CHSY1: variants seen among roughly 807,000 people sequenced by gnomAD.
The protein encoded by CHSY1 is chondroitin sulfate synthase 1.
CHSY1 carries 13 observed loss-of-function variants against 59.8 expected under a neutral mutation model. The observed-to-expected ratio is 0.22, with a 90% confidence interval of 0.14 to 0.35. CHSY1 has a LOEUF of 0.35. CHSY1 is among the 10% of genes least tolerant of loss of function. CHSY1 has a pLI of 1.00. For missense variants in CHSY1, 947 were observed against 1,030.6 expected (o/e 0.92, Z 1.11); for synonymous variants, 459 against 401.2 (o/e 1.14, Z -1.72).
At chr15:101,189,943 C>T (rs2038423659) in intron 2 of CHSY1, among the ~76,000 whole-genome samples, 1 of 152,230 alleles carries the variant, frequency 6.6e-6, no homozygotes. Flanking sequence ...AGAGCAACTG[C>T]TCTAGAAGCC....
At chr15:101,204,935 C>T (rs1384753328) in intron 2 of CHSY1, among the ~76,000 whole-genome samples, 1 of 151,996 alleles carries the variant, frequency 6.6e-6, no homozygotes, top group African/African-American at 2.4e-5. Flanking sequence ...GACCATCTGG[C>T]AGAGTTAAGA....
At position 101,176,974 on chromosome 15, in the gene CHSY1, A is replaced by C. The variant is rs566256771; in HGVS notation, c.*414T>G. 48 of 163,908 alleles carry C rather than the reference A, an allele frequency of 2.9e-4. 1 individual carries two copies. In the South Asian group the frequency reaches 4.8e-3, roughly 16 times the overall value. 10.2% of individuals were successfully genotyped at this position (163,908 alleles called of 1,614,324 possible). ...TGGCTTTAAAACAATTGTAAAAAAA[A>C]AAAACAAAACACAAAAGGTAGAATC... is the stretch of plus-strand genomic sequence containing the variant. On this transcript the variant is annotated 3_prime_UTR_variant, in exon 3 of 3. Coordinates refer to ENST00000254190, the MANE Select transcript of CHSY1 (RefSeq NM_014918.5).
At chr15:101,247,516 G>A (rs1192252287) in intron 1 of CHSY1, among the ~76,000 whole-genome samples, 2 of 152,156 alleles carry the variant, frequency 1.3e-5, no homozygotes, top group Non-Finnish European at 2.9e-5. Flanking sequence ...GTGTCCCCCA[G>A]GACTCAGGGT....
chr15:101,178,408 C>A lies in CHSY1; in HGVS notation c.1389G>T (p.Met463Ile). Residue 463 changes from methionine to isoleucine, a missense_variant, in exon 3 of 3, where the codon ATG becomes ATT. Transcript: ENST00000254190. ...ACGCGTGCCTCCTCACAGGGACCGTCATTTTCTTCCCTTTGTGCTTTTTGT... is the reference window on the plus strand; with the variant it reads ...ACGCGTGCCTCCTCACAGGGACCGTAATTTTCTTCCCTTTGTGCTTTTTGT... ...LLYKKHKGKK[M>I]TVPVRRHAYL... 5 of 1,613,026 alleles carry A rather than the reference C, an allele frequency of 3.1e-6. No homozygotes were observed. Among genetic ancestry groups the A allele is most frequent in the Non-Finnish European group, 3.4e-6 (4 of 1,178,978 alleles).
intron 1 of CHSY1, among the ~76,000 whole-genome samples, chr15:101,236,065 C>A (rs561617333): frequency 1.4e-4 from 21 of 152,080 alleles, no homozygotes; most frequent in African/African-American, 4.6e-4. Context: ...CAGACACTTA[C>A]CAGAATAATG....
At chr15:101,188,332 T>C (rs1489858563) in intron 2 of CHSY1, 6 of 287,552 alleles carry the variant, frequency 2.1e-5, no homozygotes, top group African/African-American at 1.4e-4. Context: ...TGCTTCCAGG[T>C]AGGCTCCACG....
intron 1 of CHSY1, among the ~76,000 whole-genome samples, chr15:101,247,510 C>A (rs1385296961): frequency 1.3e-5 from 2 of 152,184 alleles, no homozygotes; most frequent in African/African-American, 4.8e-5. Flanking sequence ...ACTGCAGTGT[C>A]CCCCAGGACT....
intron 2 of CHSY1, among the ~76,000 whole-genome samples, chr15:101,217,910 T>C (rs2038750786): frequency 6.6e-6 from 1 of 152,146 alleles, no homozygotes; most frequent in Admixed American, 6.5e-5. Flanking sequence ...AAAGGGTAAC[T>C]CTGCAGTGAA....
chr15:101,184,330 A>AC (rs2038323385), intron 2 of CHSY1, among the ~76,000 whole-genome samples: 1 of 152,144 alleles, frequency 6.6e-6, no homozygotes, highest in Admixed American at 6.5e-5. Flanking sequence ...TGCTGTAAGT[A>AC]CCTTCCGGCT....
At chr15:101,189,271 G>A (rs1365068525) in intron 2 of CHSY1, among the ~76,000 whole-genome samples, 3 of 152,188 alleles carry the variant, frequency 2.0e-5, no homozygotes, top group South Asian at 2.1e-4. Context: ...CTCCACGCCC[G>A]TGCTCTCTCA....
Position 101,176,404 on chromosome 15 carries a change from T to A in CHSY1, c.*984A>T. On this transcript the variant is annotated 3_prime_UTR_variant, in exon 3 of 3. Coordinates refer to ENST00000254190, the MANE Select transcript of CHSY1 (RefSeq NM_014918.5). Reference sequence around the variant, plus strand: ...TGTTTCAGTCTGTGTACATCAGATTTATTGTAATAATTCATCTTTGTCATT... The same window carrying A: ...TGTTTCAGTCTGTGTACATCAGATTAATTGTAATAATTCATCTTTGTCATT... 5.0e-6 allele frequency: 2 copies of A among 398,604 alleles called. No individual in the cohort carries two copies. Among genetic ancestry groups the A allele is most frequent in the Non-Finnish European group, 8.8e-6 (2 of 226,056 alleles). The allele number at this position is 398,604 out of a possible 1,614,324, so 24.7% of individuals were successfully genotyped here. A position where few individuals can be genotyped will look rare whatever the true frequency, so the allele number is the denominator to read the frequency against.
chr15:101,250,009 A>G (rs1242589857), intron 1 of CHSY1, among the ~76,000 whole-genome samples: 1 of 152,208 alleles, frequency 6.6e-6, no homozygotes, highest in Non-Finnish European at 1.5e-5. Context: ...TCTCCCTTAA[A>G]GGCAAGGGAG....
chr15:101,195,874 G>A (rs2038500710), intron 2 of CHSY1, among the ~76,000 whole-genome samples: 1 of 149,992 alleles, frequency 6.7e-6, no homozygotes, highest in Non-Finnish European at 1.5e-5. Flanking sequence ...TTGCAGGAGA[G>A]ACTATCAAAT....
At chr15:101,210,631 C>T (rs2038673694) in intron 2 of CHSY1, among the ~76,000 whole-genome samples, 1 of 152,102 alleles carries the variant, frequency 6.6e-6, no homozygotes, top group African/African-American at 2.4e-5. Flanking sequence ...CAGAAATAGA[C>T]CAAGTCTTAG....
chr15:101,178,447 G>A lies in CHSY1; in HGVS notation c.1350C>T (p.Asp450=). 2.5e-6 allele frequency: 4 copies of A among 1,614,206 alleles called. No homozygotes were observed. Among genetic ancestry groups the A allele is most frequent in the Non-Finnish European group, 3.4e-6 (4 of 1,180,030 alleles). The change falls in exon 3 of 3, where the codon GAC becomes GAT. Residue 450 remains aspartate (D), a synonymous_variant. Transcript: ENST00000254190. ...TGTGCTTTTTGTACAGAAGCAGCAG[G>A]TCCAGGATGTACTCAGCCCCATACA... ...NPMYGAEYIL[D]LLLLYKKHKG...
chr15:101,189,058 C>A (rs542022713), intron 2 of CHSY1, among the ~76,000 whole-genome samples: 1 of 152,216 alleles, frequency 6.6e-6, no homozygotes, highest in Non-Finnish European at 1.5e-5. Context: ...ATTTACTGAA[C>A]GCTCCCGTGA....
intron 2 of CHSY1, chr15:101,187,959 A>G (rs2038391796): frequency 1.1e-6 from 1 of 910,488 alleles, no homozygotes; most frequent in Non-Finnish European, 1.3e-6. Flanking sequence ...AATAACCATC[A>G]ACTACCCATA....
At chr15:101,248,214 G>A (rs571454327) in intron 1 of CHSY1, among the ~76,000 whole-genome samples, 1 of 152,240 alleles carries the variant, frequency 6.6e-6, no homozygotes, top group East Asian at 1.9e-4. Flanking sequence ...TCCAATTTAA[G>A]AGCTCAGTGT....
At chr15:101,192,729 G>A (rs1320701808) in intron 2 of CHSY1, among the ~76,000 whole-genome samples, 1 of 54,356 alleles carries the variant, frequency 1.8e-5, no homozygotes, top group African/African-American at 1.0e-4. Flanking sequence ...TGGCATTGAT[G>A]TATTCCCTTA....
Sources: gnomAD v4.1 joint callset for allele counts (sites outside exome capture counted in the v4.1 genomes callset) on GRCh38, gnomAD v4.1.1 for gene constraint, MANE v1.5 for transcripts, NCBI Gene and HGNC (gene_info 2026-07-23, HGNC 2026-07-21) for gene names.